Variants in COL13A1 observed in about 807,000 individuals in gnomAD.
The protein encoded by COL13A1 is collagen type XIII alpha 1 chain, also known as collagen alpha-1(XIII) chain.
COL13A1 carries 89 observed loss-of-function variants against 130.9 expected under a neutral mutation model. The ratio of observed to expected loss-of-function variants is 0.68; its 90% CI spans 0.57 to 0.81. The LOEUF (loss-of-function observed/expected upper bound fraction) is 0.81, where lower values mean the gene tolerates loss of function less well. Among genes scored for constraint, COL13A1 ranks in the 30% least tolerant of loss-of-function variants. COL13A1 has a pLI of 0.00. For synonymous variants in COL13A1, 402 were observed against 341.6 expected (o/e 1.18, Z -1.95); for missense variants, 879 against 934.6 (o/e 0.94, Z 0.78).
intron 34 of COL13A1, among the ~76,000 whole-genome samples, chr10:69,940,197 A>T (rs936556650): frequency 1.4e-5 from 2 of 144,026 alleles, no homozygotes; most frequent in Non-Finnish European, 3.0e-5. Flanking sequence ...GGGTGCTGAT[A>T]GCAGGTTGGT....
intron 7 of COL13A1, among the ~76,000 whole-genome samples, chr10:69,886,007 C>A (rs941956881): frequency 6.6e-6 from 1 of 152,166 alleles, no homozygotes; most frequent in Non-Finnish European, 1.5e-5. Context: ...GAGCACAGGC[C>A]ACTGGACACT....
chr10:69,889,339 G>A (rs2060932929), intron 9 of COL13A1, 75 bp from the exon 10 acceptor site: 2 of 1,546,984 alleles, frequency 1.3e-6, no homozygotes, highest in Middle Eastern at 3.5e-4. Flanking sequence ...GGGGCAGGGA[G>A]GAGCATGAAG....
chr10:69,927,187 G>T, intron 27 of COL13A1, 77 bp downstream of exon 27: 1 of 1,599,564 alleles, frequency 6.3e-7, no homozygotes, highest in South Asian at 1.1e-5. Flanking sequence ...GCAAGGATTT[G>T]ATTTCTCCCC....
chr10:69,906,182 G>A (rs1012048524), intron 17 of COL13A1, among the ~76,000 whole-genome samples: 8 of 152,244 alleles, frequency 5.3e-5, no homozygotes, highest in African/African-American at 1.9e-4. Context: ...CAAATTTCAG[G>A]TTGAGAGAAG....
intron 14 of COL13A1, among the ~76,000 whole-genome samples, chr10:69,900,047 C>G (rs1223667949): frequency 6.6e-6 from 1 of 152,180 alleles, no homozygotes; most frequent in Admixed American, 6.5e-5. Flanking sequence ...TTACGCCTGG[C>G]CAAATCCTCG....
intron 2 of COL13A1, among the ~76,000 whole-genome samples, chr10:69,859,136 T>C (rs1276750805): frequency 1.3e-5 from 2 of 152,186 alleles, no homozygotes; most frequent in Admixed American, 6.5e-5. Flanking sequence ...ATGGGGCTAC[T>C]GTGAAGAGGA....
chr10:69,857,853 C>G (rs960797784), intron 2 of COL13A1, among the ~76,000 whole-genome samples: 2 of 152,130 alleles, frequency 1.3e-5, no homozygotes, highest in Non-Finnish European at 2.9e-5. Context: ...CGCGGTGGCT[C>G]GTGCCTGTAA....
intron 39 of COL13A1, among the ~76,000 whole-genome samples, chr10:69,954,569 T>C (rs1233682928): frequency 6.6e-6 from 1 of 152,208 alleles, no homozygotes; most frequent in Non-Finnish European, 1.5e-5. Context: ...AAGGGCATGA[T>C]TACAGAGTAG....
chr10:69,895,817 G>A (rs1212245139), intron 13 of COL13A1, among the ~76,000 whole-genome samples: 1 of 152,156 alleles, frequency 6.6e-6, no homozygotes, highest in East Asian at 1.9e-4. Flanking sequence ...ACCCGTGCGT[G>A]TCTGTACATC....
intron 2 of COL13A1, among the ~76,000 whole-genome samples, chr10:69,863,017 G>A (rs569918294): frequency 3.9e-5 from 6 of 152,338 alleles, no homozygotes; most frequent in South Asian, 4.1e-4. Flanking sequence ...ACCACAGGTC[G>A]GTGAGGCCTG....
intron 13 of COL13A1, among the ~76,000 whole-genome samples, chr10:69,896,105 C>T (rs2061612124): frequency 6.6e-6 from 1 of 152,120 alleles, no homozygotes; most frequent in Admixed American, 6.5e-5. Context: ...TAATCGGGGA[C>T]TGACTGCAGC....
chr10:69,815,838 C>T (rs150090033), intron 1 of COL13A1, among the ~76,000 whole-genome samples: 10 of 151,584 alleles, frequency 6.6e-5, no homozygotes, highest in African/African-American at 2.4e-4. Context: ...AGGTCCTTGT[C>T]GAACTTACAT....
intron 7 of COL13A1, among the ~76,000 whole-genome samples, chr10:69,887,047 C>T (rs2060658567): frequency 6.6e-6 from 1 of 152,146 alleles, no homozygotes; most frequent in African/African-American, 2.4e-5. Flanking sequence ...AGATAAGTGG[C>T]CATGAGCAAT....
intron 21 of COL13A1, 119 bp downstream of exon 21, chr10:69,919,846 C>CT (rs1368827097): frequency 2.5e-6 from 1 of 397,366 alleles, no homozygotes; most frequent in African/African-American, 2.1e-5. Context: ...GCATGTGTTC[C>CT]GAGATGAGGG....
At chr10:69,812,382 CTG>C (rs1449707710) in intron 1 of COL13A1, among the ~76,000 whole-genome samples, 1 of 152,122 alleles carries the variant, frequency 6.6e-6, no homozygotes, top group Non-Finnish European at 1.5e-5. Flanking sequence ...GGTTATACCT[CTG>C]TAAAATAAGG....
chr10:69,950,936 C>T (rs2069443701), intron 38 of COL13A1, among the ~76,000 whole-genome samples: 5 of 152,142 alleles, frequency 3.3e-5, no homozygotes, highest in Admixed American at 1.3e-4. Flanking sequence ...GCAACCTCTG[C>T]CTCCTGGGTT....
intron 34 of COL13A1, 103 bp from the exon 35 acceptor site, chr10:69,940,885 C>T: frequency 6.7e-7 from 1 of 1,485,584 alleles, no homozygotes; most frequent in Non-Finnish European, 9.4e-7. Context: ...TATGTCTGTC[C>T]AGAGTCACTG....
At chr10:69,879,616 C>T (rs540497548) in intron 6 of COL13A1, among the ~76,000 whole-genome samples, 1 of 152,198 alleles carries the variant, frequency 6.6e-6, no homozygotes, top group East Asian at 1.9e-4. Context: ...TTCCAAAATG[C>T]GTTTCCCGTA....
intron 1 of COL13A1, among the ~76,000 whole-genome samples, chr10:69,817,360 G>C (rs1418767395): frequency 6.6e-6 from 1 of 151,432 alleles, no homozygotes; most frequent in Non-Finnish European, 1.5e-5. Flanking sequence ...AGTGGTGGCT[G>C]CCTCTGGAAG....
Sources: allele counts gnomAD v4.1 joint callset (sites outside exome capture counted in the v4.1 genomes callset), GRCh38; gene constraint gnomAD v4.1.1; transcripts MANE v1.5; gene names NCBI Gene and HGNC (gene_info 2026-07-23, HGNC 2026-07-21).